The following CNTNAP3B variants were observed in gnomAD, a reference collection of about 807,000 sequenced individuals.
CNTNAP3B encodes contactin associated protein family member 3B.
CNTNAP3B carries 25 observed loss-of-function variants against 108.9 expected under a neutral mutation model. That is an observed-to-expected ratio of 0.23 (90% CI 0.17 to 0.32). The LOEUF (loss-of-function observed/expected upper bound fraction) is 0.32. Ranked by LOEUF, CNTNAP3B falls within the 10% of genes least tolerant of loss-of-function variation. The probability of loss-of-function intolerance (pLI) is 1.00; values close to 1 mark genes in which losing one functional copy is unlikely to be tolerated. For missense variants in CNTNAP3B, 252 were observed against 1,210.4 expected, an observed-to-expected ratio of 0.21 and a Z score of 11.75; for synonymous variants, 103 against 473.4, an observed-to-expected ratio of 0.22 and a Z score of 10.16.
chr9:42,127,214 G>C lies in CNTNAP3B; in HGVS notation c.85+1796C>G, dbSNP rs142398978. Among the ~76,000 whole-genome samples, 5 of 138,310 alleles carry C rather than the reference G, an allele frequency of 3.6e-5. 2 individuals carry two copies. The highest frequency in any genetic ancestry group is 1.4e-4 in the African/African-American group (5 of 34,558). The allele number at this position is 138,310 out of a possible 152,430, so 90.7% of individuals were successfully genotyped here. On this transcript the variant is annotated intron_variant, in intron 1 of 23. Transcript: ENST00000377561. ...AATTTTACGTGTCACTCAGCAACTC[G>C]CGAGAGTCCCGTCTGGTGCTGAGTC...
intron 11 of CNTNAP3B, among the ~76,000 whole-genome samples, chr9:41,962,823 C>A (rs534308679): frequency 1.3e-5 from 2 of 152,184 alleles, no homozygotes; most frequent in Admixed American, 1.3e-4. Flanking sequence ...GGCGTGGTGG[C>A]GGGCGCCTGT....
intron 9 of CNTNAP3B, among the ~76,000 whole-genome samples, chr9:41,972,523 T>C (rs933420373): frequency 7.2e-6 from 1 of 138,660 alleles, no homozygotes; most frequent in Non-Finnish European, 1.5e-5. Context: ...ACTGAAGCTT[T>C]ATCTCTTTAA....
intron 10 of CNTNAP3B, among the ~76,000 whole-genome samples, chr9:41,969,024 C>T (rs1825364597): frequency 6.6e-6 from 1 of 152,298 alleles, no homozygotes; most frequent in South Asian, 2.1e-4. Flanking sequence ...TCTCGATCTC[C>T]TGACCTCGTG....
At chr9:42,107,576 C>T (rs1167811962) in intron 1 of CNTNAP3B, among the ~76,000 whole-genome samples, 1 of 122,918 alleles carries the variant, frequency 8.1e-6, no homozygotes, top group Admixed American at 8.4e-5. Context: ...TGAAATTTTC[C>T]ATTTCGCCTT....
rs1826928708 is a variant in CNTNAP3B, at chr9:42,049,175, GC to G, written c.390+27693del. ...AATGAGCTCCAGCTGCTTCACTTCA[GC>G]CTCATTCCCATGGCCAACCTCATCA... On this transcript the variant is annotated intron_variant, in intron 3 of 23. Transcript: ENST00000377561. Among the ~76,000 whole-genome samples the G allele has an allele frequency of 2.4e-5, 3 of 126,736 alleles. 1 individual carries two copies. In the Admixed American group the frequency reaches 2.4e-4, roughly 10 times the overall value. 83.1% of individuals were successfully genotyped at this position (126,736 alleles called of 152,430 possible).
intron 1 of CNTNAP3B, among the ~76,000 whole-genome samples, chr9:42,123,649 C>T (rs1287571375): frequency 2.2e-5 from 3 of 135,964 alleles, no homozygotes; most frequent in African/African-American, 8.8e-5. Context: ...AAAAGATTCC[C>T]AATATGTATA....
intron 18 of CNTNAP3B, among the ~76,000 whole-genome samples, chr9:41,915,912 T>A (rs1260209861): frequency 6.6e-6 from 1 of 151,276 alleles, no homozygotes; most frequent in Non-Finnish European, 1.5e-5. Flanking sequence ...GCTCTAAGCT[T>A]GCATTATATA....
intron 14 of CNTNAP3B, among the ~76,000 whole-genome samples, chr9:41,933,544 A>T (rs1468733099): frequency 2.0e-5 from 3 of 152,288 alleles, no homozygotes; most frequent in Non-Finnish European, 4.4e-5. Context: ...TGCAAATAAA[A>T]TTTTTCTAGG....
At chr9:41,913,611 T>G (rs1823456855) in intron 18 of CNTNAP3B, among the ~76,000 whole-genome samples, 1 of 140,980 alleles carries the variant, frequency 7.1e-6, no homozygotes, top group Admixed American at 7.0e-5. Context: ...TATCACCTCT[T>G]TTGATATCCA....
intron 2 of CNTNAP3B, among the ~76,000 whole-genome samples, chr9:42,087,574 C>G (rs1413287351): frequency 1.4e-5 from 2 of 144,924 alleles, no homozygotes; most frequent in East Asian, 2.1e-4. Flanking sequence ...GAGACAGATA[C>G]AAATATGCTG....
At chr9:42,109,163 G>A (rs1828139824) in intron 1 of CNTNAP3B, among the ~76,000 whole-genome samples, 1 of 139,116 alleles carries the variant, frequency 7.2e-6, no homozygotes, top group Non-Finnish European at 1.5e-5. Flanking sequence ...GGGGCATAAA[G>A]AGAGACATGG....
intron 14 of CNTNAP3B, among the ~76,000 whole-genome samples, chr9:41,933,864 G>A (rs1349404080): frequency 4.0e-4 from 61 of 152,198 alleles, no homozygotes; most frequent in South Asian, 2.7e-3. Context: ...TGACAATTCC[G>A]TAAAATTTGT....
chr9:42,097,885 C>G (rs1192155492), intron 2 of CNTNAP3B, among the ~76,000 whole-genome samples: 1 of 138,308 alleles, frequency 7.2e-6, no homozygotes, highest in Admixed American at 7.2e-5. Flanking sequence ...GGGAAAGCTT[C>G]AAAAGTTGAA....
chr9:42,087,023 C>T (rs1360285376), intron 2 of CNTNAP3B, among the ~76,000 whole-genome samples: 1 of 132,196 alleles, frequency 7.6e-6, no homozygotes, highest in African/African-American at 2.9e-5. Flanking sequence ...ATGAACAGGT[C>T]CTGCACACCT....
rs1028578078 is a variant in CNTNAP3B, at chr9:41,993,698, G to T, written c.1072-1827C>A. 4.4e-4 allele frequency: 43 copies of T among 98,172 alleles called. 9 individuals carry two copies. Among genetic ancestry groups the T allele is most frequent in the African/African-American group, 1.7e-3 (43 of 25,870 alleles). The allele number at this position is 98,172 out of a possible 1,614,324, so 6.1% of individuals were successfully genotyped here. A position where few individuals can be genotyped will look rare whatever the true frequency, so the allele number is the denominator to read the frequency against. Reference sequence around the variant, plus strand: ...GCAGGGCTTCTTGCCACAGAGGAGTGCTTGTTAGTTGACTAATGAATTCTG... The same window carrying T: ...GCAGGGCTTCTTGCCACAGAGGAGTTCTTGTTAGTTGACTAATGAATTCTG... On this transcript the variant is annotated intron_variant, in intron 7 of 23. Transcript: ENST00000377561.
At chr9:42,111,738 C>T (rs1179684463) in intron 1 of CNTNAP3B, among the ~76,000 whole-genome samples, 1 of 138,404 alleles carries the variant, frequency 7.2e-6, no homozygotes, top group Non-Finnish European at 1.5e-5. Flanking sequence ...CCTCTACAGC[C>T]AATAAATTGC....
chr9:41,961,972 C>A (rs888264009), intron 11 of CNTNAP3B, among the ~76,000 whole-genome samples: 4 of 152,290 alleles, frequency 2.6e-5, no homozygotes, highest in African/African-American at 9.6e-5. Flanking sequence ...AGGATTCACT[C>A]AAATTAATAA....
At chr9:42,044,748 G>T (rs1213716746) in intron 3 of CNTNAP3B, among the ~76,000 whole-genome samples, 5 of 143,074 alleles carry the variant, frequency 3.5e-5, no homozygotes, top group Non-Finnish European at 6.1e-5. Flanking sequence ...AACAAGAAAA[G>T]GAAAAGGATA....
chr9:42,125,722 G>A (rs528641862), intron 1 of CNTNAP3B, among the ~76,000 whole-genome samples: 1 of 128,898 alleles, frequency 7.8e-6, no homozygotes, highest in Non-Finnish European at 1.6e-5. Flanking sequence ...CCAGGCTGGA[G>A]TGCAGTGGCA....
Sources: allele counts gnomAD v4.1 joint callset (sites outside exome capture counted in the v4.1 genomes callset), GRCh38; gene constraint gnomAD v4.1.1; transcripts MANE v1.5; gene names NCBI Gene and HGNC (gene_info 2026-07-23, HGNC 2026-07-21).